Variants in RYR3 observed in about 807,000 individuals in gnomAD.
The protein encoded by RYR3 is brain ryanodine receptor-calcium release channel.
A neutral mutation model predicts 584.3 loss-of-function variants in RYR3; 207 were observed. The observed-to-expected ratio is 0.35, with a 90% CI of 0.32 to 0.40. RYR3 has a LOEUF of 0.40. Ranked by LOEUF, RYR3 falls within the 10% of genes least tolerant of loss-of-function variation. The probability of loss-of-function intolerance (pLI) is 1.00; values close to 1 mark genes in which losing one functional copy is unlikely to be tolerated. For missense variants in RYR3, 5,616 were observed against 6,089.2 expected, an observed-to-expected ratio of 0.92 and a Z score of 2.59; for synonymous variants, 2,416 against 2,248.5, an observed-to-expected ratio of 1.07 and a Z score of -2.11.
At chr15:33,543,521 A>C in intron 7 of RYR3, 101 bp from the exon 8 acceptor site, 6 of 780,038 alleles carry the variant, frequency 7.7e-6, no homozygotes, top group Non-Finnish European at 1.4e-5. Context: ...CTCAGTATTT[A>C]CCGTAACTGG....
intron 1 of RYR3, among the ~76,000 whole-genome samples, chr15:33,332,239 G>T (rs1437499734): frequency 2.0e-5 from 3 of 152,008 alleles, no homozygotes; most frequent in African/African-American, 4.8e-5. Context: ...ATATTAATTA[G>T]AAATGAATAG....
At chr15:33,450,706 G>A (rs1308050450) in intron 1 of RYR3, among the ~76,000 whole-genome samples, 1 of 151,784 alleles carries the variant, frequency 6.6e-6, no homozygotes, top group Non-Finnish European at 1.5e-5. Flanking sequence ...ACTGAGTCCT[G>A]GCTTCATGAA....
At chr15:33,426,702 C>A (rs1351211285) in intron 1 of RYR3, among the ~76,000 whole-genome samples, 1 of 152,182 alleles carries the variant, frequency 6.6e-6, no homozygotes, top group African/African-American at 2.4e-5. Flanking sequence ...GGATTGGAAT[C>A]TTAGTCTTAT....
Position 33,831,108 on chromosome 15 carries a change from G to A in RYR3, c.11463+17G>A. ...TACATCCAGGTATGTGCTACAGAGT[G>A]CATGGTTGAAAACAAAGAGAACATT... On this transcript the variant is annotated intron_variant, in intron 86 of 103. Transcript: ENST00000634891. 2.5e-6 allele frequency: 4 copies of A among 1,608,360 alleles called. No homozygotes were observed. Among genetic ancestry groups the A allele is most frequent in the African/African-American group, 1.3e-5 (1 of 74,896 alleles).
intron 2 of RYR3, among the ~76,000 whole-genome samples, chr15:33,499,918 G>T (rs773857059): frequency 1.3e-5 from 2 of 152,212 alleles, no homozygotes; most frequent in East Asian, 3.8e-4. Flanking sequence ...TAACAGAGAA[G>T]AGACAGGGGC....
Position 33,853,598 on chromosome 15 carries a change from C to A in RYR3, c.13715C>A (p.Ala4572Asp). The change falls in exon 96 of 104, where the codon GCT (alanine) becomes GAT (aspartate). Residue 4572 changes from alanine (A) to aspartate (D), a missense_variant. This residue lies in a region of RYR3 where 918 missense variants were observed against 887.4 expected (regional missense o/e 1.03). Coordinates refer to ENST00000634891, the MANE Select transcript of RYR3 (RefSeq NM_001036.6). ...YGDLYGAERI[A>D]ELLGLDKNAL... is the part of the protein sequence containing the mutation. Reference sequence around the variant, plus strand: ...GATCTCTACGGAGCAGAACGCATTGCTGAACTTCTGGGTTTGGACAAAAAT... The same window carrying A: ...GATCTCTACGGAGCAGAACGCATTGATGAACTTCTGGGTTTGGACAAAAAT... The A allele has an allele frequency of 6.2e-7, 1 of 1,613,976 alleles. No homozygotes were observed. Among genetic ancestry groups the A allele is most frequent in the Admixed American group, 1.7e-5 (1 of 60,022 alleles).
intron 27 of RYR3, among the ~76,000 whole-genome samples, chr15:33,637,888 G>T (rs1367493477): frequency 3.3e-5 from 5 of 152,050 alleles, no homozygotes; most frequent in Admixed American, 3.3e-4. Flanking sequence ...TGCCATGTTG[G>T]TGTGCTGCAC....
In RYR3 at chr15:33,311,727, G is replaced by A. The variant is rs750001152; in HGVS notation, c.51+631G>A. Among the ~76,000 whole-genome samples, 60 of 152,242 alleles carry A rather than the reference G, an allele frequency of 3.9e-4. No individual in the cohort carries two copies. The highest frequency in any genetic ancestry group is 5.7e-4 in the Non-Finnish European group (39 of 68,044). On this transcript the variant is annotated intron_variant, in intron 1 of 103. Coordinates refer to ENST00000634891, the MANE Select transcript of RYR3 (RefSeq NM_001036.6). This position sits in a 1 kb window ranked among gnomAD's most constrained non-coding sequence, Gnocchi z 4.4. The stretch of plus-strand genomic sequence containing the variant: ...TGACTTGACTGACTGCCTGTCGTGT[G>A]TTCGAGAGCTGTGGCTTCTGCTCCT...
intron 60 of RYR3, among the ~76,000 whole-genome samples, chr15:33,763,892 C>CAAAAACAAAAA (rs1555447212): frequency 1.1e-4 from 5 of 45,864 alleles, no homozygotes; most frequent in African/African-American, 3.6e-4. Flanking sequence ...GACTTCATCT[C>CAAAAACAAAAA]AAAAAAAAAA....
intron 4 of RYR3, among the ~76,000 whole-genome samples, chr15:33,531,078 G>T (rs894933315): frequency 5.9e-5 from 9 of 152,062 alleles, no homozygotes; most frequent in African/African-American, 9.7e-5. Context: ...CAATCAAATG[G>T]AAATTTTGTG....
At chr15:33,439,351 G>C (rs1254494897) in intron 1 of RYR3, among the ~76,000 whole-genome samples, 1 of 152,102 alleles carries the variant, frequency 6.6e-6, no homozygotes, top group Non-Finnish European at 1.5e-5. Context: ...AATTTTTAAA[G>C]GGGCTACGTC....
At chr15:33,498,857 G>A (rs1234854437) in intron 2 of RYR3, among the ~76,000 whole-genome samples, 1 of 151,966 alleles carries the variant, frequency 6.6e-6, no homozygotes, top group Non-Finnish European at 1.5e-5. Context: ...TTTTGTATAT[G>A]GTGTGTGTGG....
intron 45 of RYR3, among the ~76,000 whole-genome samples, chr15:33,725,169 A>ACACG (rs1555426943): frequency 2.8e-4 from 38 of 133,966 alleles, no homozygotes; most frequent in African/African-American, 9.7e-4. Context: ...ACACACACAC[A>ACACG]CACACACACA....
At position 33,621,041 on chromosome 15, in the gene RYR3, C is replaced by T. The variant is rs138508664; in HGVS notation, c.2358-2766C>T. On this transcript the variant is annotated intron_variant, in intron 19 of 103. Coordinates refer to ENST00000634891, the MANE Select transcript of RYR3 (RefSeq NM_001036.6). ...AGATTCAGATTTATAACCAAATGAT[C>T]AGTCTCCTTTTAATAACTGAATATA... Among the ~76,000 whole-genome samples, 615 of 152,332 alleles carry T rather than the reference C, an allele frequency of 4.0e-3. 4 individuals are homozygous for T. The highest frequency in any genetic ancestry group is 0.01 in the Middle Eastern group (3 of 294).
At chr15:33,668,143 T>G (rs2152717860) in intron 36 of RYR3, among the ~76,000 whole-genome samples, 1 of 132,380 alleles carries the variant, frequency 7.6e-6, no homozygotes, top group Middle Eastern at 4.6e-3. Flanking sequence ...CTAAAAATAC[T>G]GAAAATACAA....
intron 31 of RYR3, among the ~76,000 whole-genome samples, chr15:33,650,664 G>A (rs1226001024): frequency 2.6e-5 from 4 of 152,068 alleles, no homozygotes; most frequent in East Asian, 1.9e-4. Context: ...ACCAAAATCC[G>A]CTCATACTCA....
At chr15:33,460,940 C>CTTTTTT (rs66742049) in intron 1 of RYR3, among the ~76,000 whole-genome samples, 1,402 of 79,136 alleles carry the variant, frequency 0.018, 218 homozygotes, top group African/African-American at 0.077. Flanking sequence ...TAATATCCAC[C>CTTTTTT]TTTTTTTTTT....
intron 1 of RYR3, among the ~76,000 whole-genome samples, chr15:33,436,102 C>G (rs967328499): frequency 6.6e-6 from 1 of 152,192 alleles, no homozygotes; most frequent in Non-Finnish European, 1.5e-5. Flanking sequence ...ACCCAGAAGT[C>G]CAGCTGGCTT....
At position 33,603,307 on chromosome 15, in the gene RYR3, A is replaced by C; in HGVS notation, c.2107A>C (p.Asn703His). The C allele has an allele frequency of 6.2e-7, 1 of 1,613,480 alleles. No individual in the cohort carries two copies. The highest frequency in any genetic ancestry group is 1.3e-5 in the African/African-American group (1 of 75,010). The change falls in exon 18 of 104, where the codon AAT (asparagine) becomes CAT (histidine). Residue 703 changes from asparagine to histidine, a missense_variant. Physicochemically the swap from Asn to His is moderately conservative, Grantham distance 68. Around this residue, in one of 9 missense-constraint regions of RYR3, gnomAD observed 1,284 missense variants for 1,344.6 expected, o/e 0.95. Coordinates refer to ENST00000634891, the MANE Select transcript of RYR3 (RefSeq NM_001036.6). Reference sequence around the variant, plus strand: ...AGGAGGTGGAGAAGGATGGGGAGGCAATGGTGTTGGTGACGACCTGTACTC... The same window carrying C: ...AGGAGGTGGAGAAGGATGGGGAGGCCATGGTGTTGGTGACGACCTGTACTC... ...YPGGGEGWGGNGVGDDLYSYG... is the reference protein window; with the variant it reads ...YPGGGEGWGGHGVGDDLYSYG...
Sources: allele counts gnomAD v4.1 joint callset (sites outside exome capture counted in the v4.1 genomes callset), GRCh38; gene constraint gnomAD v4.1.1; regional missense constraint gnomAD v4.1.1; non-coding constraint Gnocchi (gnomAD v3.1); transcripts MANE v1.5; gene names NCBI Gene and HGNC (gene_info 2026-07-23, HGNC 2026-07-21).